Variants in AGBL1 observed in about 807,000 individuals in gnomAD.
AGBL1 encodes AGBL carboxypeptidase 1.
Under a neutral mutation model 118.9 loss-of-function variants are expected in AGBL1, and 130 were observed. The ratio of observed to expected loss-of-function variants is 1.09; its 90% CI spans 0.95 to 1.26. The LOEUF (loss-of-function observed/expected upper bound fraction) is 1.26, where lower values mean the gene tolerates loss of function less well. AGBL1 is among the 50% of genes most tolerant of loss of function. The probability of loss-of-function intolerance (pLI) is 0.00; values close to 1 mark genes in which losing one functional copy is unlikely to be tolerated. For missense variants in AGBL1, 1,584 were observed against 1,298.1 expected (o/e 1.22, Z -3.38); for synonymous variants, 555 against 478.9 (o/e 1.16, Z -2.08).
At chr15:86,492,312 T>A (rs2082791102) in intron 18 of AGBL1, among the ~76,000 whole-genome samples, 1 of 152,050 alleles carries the variant, frequency 6.6e-6, no homozygotes, top group Non-Finnish European at 1.5e-5. Flanking sequence ...AACAGAGAAC[T>A]GCAAATGGAT....
chr15:86,979,066 G>A (rs4340298), intron 23 of AGBL1, among the ~76,000 whole-genome samples: 112,161 of 152,160 alleles, frequency 0.74, 41,446 homozygotes, highest in South Asian at 0.86. Flanking sequence ...GACACAGTGT[G>A]AGGAGGTAAA....
chr15:86,776,690 T>G, intron 22 of AGBL1, among the ~76,000 whole-genome samples: 1 of 151,606 alleles, frequency 6.6e-6, no homozygotes, highest in East Asian at 1.9e-4. Context: ...TTTGAATGGA[T>G]AGCATTCCTG....
chr15:86,477,344 T>A (rs1000075753), intron 18 of AGBL1, among the ~76,000 whole-genome samples: 2 of 151,758 alleles, frequency 1.3e-5, no homozygotes, highest in Non-Finnish European at 2.9e-5. Context: ...GCAAGACTGA[T>A]AAAGAAGAAA....
At chr15:86,989,792 T>C (rs1398320393) in intron 24 of AGBL1, among the ~76,000 whole-genome samples, 1 of 152,168 alleles carries the variant, frequency 6.6e-6, no homozygotes, top group Non-Finnish European at 1.5e-5. Flanking sequence ...CAAAATGACA[T>C]TTAGGCAGGG....
chr15:87,020,567 TG>T (rs1211071121), intron 24 of AGBL1, among the ~76,000 whole-genome samples: 2 of 152,068 alleles, frequency 1.3e-5, no homozygotes, highest in African/African-American at 4.8e-5. Flanking sequence ...AAATTATTTT[TG>T]TGGATATCAT....
intron 19 of AGBL1, among the ~76,000 whole-genome samples, chr15:86,524,700 C>G (rs1454695610): frequency 6.6e-6 from 1 of 152,110 alleles, no homozygotes. Flanking sequence ...GCCCAAGTCC[C>G]AAGGTAAAGA....
intron 24 of AGBL1, among the ~76,000 whole-genome samples, chr15:87,010,783 G>A (rs534051607): frequency 2.0e-5 from 3 of 152,254 alleles, no homozygotes; most frequent in African/African-American, 7.2e-5. Context: ...CCTTCATAAT[G>A]ACAAGAGCAA....
intron 24 of AGBL1, among the ~76,000 whole-genome samples, chr15:87,002,627 A>G (rs1053199784): frequency 4.6e-5 from 7 of 152,128 alleles, no homozygotes; most frequent in Non-Finnish European, 1.0e-4. Flanking sequence ...ATGTTCTTCC[A>G]TTTGTTTGTG....
chr15:86,625,362 AGCGTTTTTTTTTTTTTGTTTTT>A (rs2084867328), intron 21 of AGBL1, among the ~76,000 whole-genome samples: 1 of 68,090 alleles, frequency 1.5e-5, no homozygotes, highest in South Asian at 5.1e-4. Flanking sequence ...AGAAGAAATT[AGCGTTTTTTTTTTTTTGTTTTT>A]GTTTTTTTTT....
intron 7 of AGBL1, among the ~76,000 whole-genome samples, chr15:86,251,616 C>T (rs1024761005): frequency 5.3e-5 from 8 of 152,116 alleles, no homozygotes; most frequent in Non-Finnish European, 8.8e-5. Context: ...GCTGAGGCCA[C>T]TGCTTGCATT....
intron 5 of AGBL1, among the ~76,000 whole-genome samples, chr15:86,182,490 A>G (rs2077567665): frequency 6.6e-6 from 1 of 152,066 alleles, no homozygotes; most frequent in Non-Finnish European, 1.5e-5. Context: ...TGGTCTCATG[A>G]CAGCTTTGGT....
chr15:86,133,996 G>C (rs980017289), intron 1 of AGBL1, among the ~76,000 whole-genome samples: 1 of 152,106 alleles, frequency 6.6e-6, no homozygotes, highest in Non-Finnish European at 1.5e-5. Context: ...TAGTTATTCA[G>C]CCCATAGTCT....
intron 22 of AGBL1, among the ~76,000 whole-genome samples, chr15:86,709,455 T>G (rs2086514902): frequency 6.6e-6 from 1 of 152,206 alleles, no homozygotes; most frequent in African/African-American, 2.4e-5. Flanking sequence ...ACATAGTTAC[T>G]GAGCACTTAC....
chr15:86,086,799 T>C (rs1353859856), intron 1 of AGBL1, among the ~76,000 whole-genome samples: 1 of 152,200 alleles, frequency 6.6e-6, no homozygotes, highest in African/African-American at 2.4e-5. Flanking sequence ...TATATTGTTG[T>C]AGATGGTTCG....
intron 22 of AGBL1, among the ~76,000 whole-genome samples, chr15:86,725,175 A>T (rs2086800385): frequency 6.6e-6 from 1 of 152,206 alleles, no homozygotes; most frequent in African/African-American, 2.4e-5. Context: ...ATTTCTTTTA[A>T]ATTTCCAATA....
At chr15:86,258,154 C>T in intron 9 of AGBL1, 123 bp downstream of exon 9, 1 of 918,730 alleles carries the variant, frequency 1.1e-6, no homozygotes, top group South Asian at 1.7e-5. Context: ...TACTGCCACT[C>T]CAGTGGTCGT....
chr15:86,495,646 T>C (rs2142150818), intron 18 of AGBL1, among the ~76,000 whole-genome samples: 1 of 152,072 alleles, frequency 6.6e-6, no homozygotes, highest in African/African-American at 2.4e-5. Context: ...CTAATTCAAT[T>C]CCATTTTGAT....
chr15:86,951,738 C>T (rs1407579934), intron 23 of AGBL1, among the ~76,000 whole-genome samples: 1 of 151,950 alleles, frequency 6.6e-6, no homozygotes, highest in Admixed American at 6.6e-5. Context: ...TATTGAGCTC[C>T]ACACTCATGA....
At chr15:86,738,887 T>G (rs1256224730) in intron 22 of AGBL1, among the ~76,000 whole-genome samples, 1 of 151,628 alleles carries the variant, frequency 6.6e-6, no homozygotes, top group Non-Finnish European at 1.5e-5. Flanking sequence ...GCCTGTAATC[T>G]CAACAGTTTG....
Sources: allele counts gnomAD v4.1 joint callset (sites outside exome capture counted in the v4.1 genomes callset), GRCh38; gene constraint gnomAD v4.1.1; transcripts MANE v1.5; gene names NCBI Gene and HGNC (gene_info 2026-07-23, HGNC 2026-07-21).